The following EPRS1 variants were observed in gnomAD, a reference collection of about 807,000 sequenced individuals.
EPRS1 encodes glutamyl-prolyl-tRNA synthetase 1, also known as bifunctional glutamate/proline--tRNA ligase.
Under a neutral mutation model 188.3 loss-of-function variants are expected in EPRS1, and 107 were observed. The observed-to-expected ratio is 0.57, with a 90% CI of 0.49 to 0.67. The LOEUF (loss-of-function observed/expected upper bound fraction) is 0.67, where lower values mean the gene tolerates loss of function less well. Among genes scored for constraint, EPRS1 ranks in the 30% least tolerant of loss-of-function variants. EPRS1 has a pLI of 0.00. For synonymous variants in EPRS1, 596 were observed against 593.1 expected (o/e 1.00, Z -0.07); for missense variants, 1,577 against 1,802.2 (o/e 0.88, Z 2.26).
chr1:220,018,367 C>A, intron 12 of EPRS1, 82 bp downstream of exon 12: 1 of 1,160,052 alleles, frequency 8.6e-7, no homozygotes, highest in South Asian at 1.3e-5. Context: ...TTTTCTCTAC[C>A]ATGAGCACAG....
chr1:220,018,659 A>C, intron 11 of EPRS1, 151 bp from the exon 12 acceptor site: 1 of 647,068 alleles, frequency 1.5e-6, no homozygotes, highest in South Asian at 1.9e-5. Flanking sequence ...CAGTGTATAC[A>C]AACTAATTTG....
At chr1:220,045,133 C>A (rs545830092) in intron 1 of EPRS1, among the ~76,000 whole-genome samples, 1 of 152,310 alleles carries the variant, frequency 6.6e-6, no homozygotes, top group East Asian at 1.9e-4. Context: ...ACGTGGTCAA[C>A]TGTATATAAA....
chr1:220,015,645 C>G (rs1035999008), intron 12 of EPRS1, among the ~76,000 whole-genome samples: 4 of 152,070 alleles, frequency 2.6e-5, no homozygotes, highest in Admixed American at 6.5e-5. Flanking sequence ...AGACCCTCAC[C>G]ATGGCCTATC....
At chr1:219,981,547 G>A in intron 23 of EPRS1, 90 bp from the exon 24 acceptor site, 1 of 608,012 alleles carries the variant, frequency 1.6e-6, no homozygotes, top group Non-Finnish European at 2.8e-6. Context: ...TAATTAATAG[G>A]AATTAAAATG....
chr1:220,025,416 T>A (rs907833227), intron 6 of EPRS1, among the ~76,000 whole-genome samples, 158 bp from the exon 7 acceptor site: 3 of 94,856 alleles, frequency 3.2e-5, no homozygotes, highest in African/African-American at 1.5e-4. Flanking sequence ...ATAGAAAATC[T>A]GACCCTGACA....
intron 1 of EPRS1, among the ~76,000 whole-genome samples, chr1:220,041,386 G>A (rs956525641): frequency 4.0e-5 from 6 of 151,882 alleles, no homozygotes; most frequent in African/African-American, 9.7e-5. Context: ...GGAAAGTAAC[G>A]CTTAAAGGAG....
At chr1:220,027,322 G>A (rs1305209185) in intron 6 of EPRS1, among the ~76,000 whole-genome samples, 2 of 152,096 alleles carry the variant, frequency 1.3e-5, no homozygotes, top group Non-Finnish European at 2.9e-5. Flanking sequence ...CAGCTACCTG[G>A]GAGGCTGAGG....
At chr1:220,040,381 G>C (rs1220195365) in intron 1 of EPRS1, 112 bp from the exon 2 acceptor site, 1 of 682,458 alleles carries the variant, frequency 1.5e-6, no homozygotes, top group African/African-American at 1.8e-5. Flanking sequence ...CCTACAAGGA[G>C]TGAACTTTTT....
intron 28 of EPRS1, among the ~76,000 whole-genome samples, chr1:219,977,553 T>G (rs1232659968): frequency 1.3e-5 from 2 of 152,170 alleles, no homozygotes; most frequent in Non-Finnish European, 2.9e-5. Context: ...TAGAAATTAG[T>G]TTAGAGAAAC....
intron 20 of EPRS1, among the ~76,000 whole-genome samples, chr1:219,986,591 A>G (rs1661010090): frequency 6.6e-6 from 1 of 152,170 alleles, no homozygotes; most frequent in African/African-American, 2.4e-5. Flanking sequence ...ATCCTTAAAG[A>G]GCCCTCTATC....
At chr1:220,002,384 A>G (rs930288977) in intron 16 of EPRS1, among the ~76,000 whole-genome samples, 1 of 152,004 alleles carries the variant, frequency 6.6e-6, no homozygotes, top group Non-Finnish European at 1.5e-5. Context: ...CAAACTTCCA[A>G]TCTATGAACT....
chr1:220,003,648 A>G (rs1661402906), intron 16 of EPRS1, among the ~76,000 whole-genome samples: 1 of 152,214 alleles, frequency 6.6e-6, no homozygotes, highest in South Asian at 2.1e-4. Flanking sequence ...CTATTTGTTG[A>G]AAAGTTCAAA....
intron 13 of EPRS1, among the ~76,000 whole-genome samples, chr1:220,008,330 T>C (rs930103030): frequency 6.6e-6 from 1 of 151,808 alleles, no homozygotes; most frequent in African/African-American, 2.4e-5. Flanking sequence ...TTCTAGTGTG[T>C]ATGATATGGA....
chr1:219,983,093 G>T, intron 22 of EPRS1, 96 bp downstream of exon 22: 2 of 999,862 alleles, frequency 2.0e-6, no homozygotes, highest in South Asian at 1.6e-5. Context: ...AATAAAAATG[G>T]CTTTATATTT....
intron 28 of EPRS1, among the ~76,000 whole-genome samples, chr1:219,975,973 C>T (rs960640942): frequency 6.6e-6 from 1 of 152,080 alleles, no homozygotes; most frequent in African/African-American, 2.4e-5. Flanking sequence ...CTCAAAAGAA[C>T]CAGAGCTTCT....
Position 220,016,577 on chromosome 1 carries a change from A to ATT in EPRS1, c.1494+1870_1494+1871dup, listed in dbSNP as rs57664248. 1.0e-4 allele frequency among the ~76,000 whole-genome samples: 7 copies of ATT among 69,620 alleles called. 1 individual carries two copies. Among genetic ancestry groups the ATT allele is most frequent in the Non-Finnish European group, 1.5e-4 (6 of 39,026 alleles). 45.7% of individuals were successfully genotyped at this position (69,620 alleles called of 152,430 possible). On this transcript the variant is annotated intron_variant, in intron 12 of 31. Coordinates refer to ENST00000366923, the MANE Select transcript of EPRS1 (RefSeq NM_004446.3). ...AAGCATGCACGACCAGGCCTAGCTA[A>ATT]TTTTTTTTTTTTTTTTTTTTTTGGA...
chr1:219,983,157 A>T, intron 22 of EPRS1, 32 bp downstream of exon 22: 1 of 1,521,784 alleles, frequency 6.6e-7, no homozygotes, highest in African/African-American at 1.4e-5. Context: ...GTCAGAGAAC[A>T]TTGCAAAAAA....
At chr1:219,971,884 A>T (rs1356822140) in intron 30 of EPRS1, among the ~76,000 whole-genome samples, 185 bp downstream of exon 30, 1 of 148,992 alleles carries the variant, frequency 6.7e-6, no homozygotes. Context: ...TATGACATAT[A>T]AATGTAAAAC....
chr1:220,042,646 G>T (rs1462165906), intron 1 of EPRS1, among the ~76,000 whole-genome samples: 1 of 152,110 alleles, frequency 6.6e-6, no homozygotes, highest in Non-Finnish European at 1.5e-5. Context: ...TACTGGCCGG[G>T]CGTGGTGGCT....
Sources: gnomAD v4.1 joint callset for allele counts (sites outside exome capture counted in the v4.1 genomes callset) on GRCh38, gnomAD v4.1.1 for gene constraint, MANE v1.5 for transcripts, NCBI Gene and HGNC (gene_info 2026-07-23, HGNC 2026-07-21) for gene names.